Variants in ITGA4 observed in about 807,000 individuals in gnomAD.
The protein encoded by ITGA4 is integrin subunit alpha 4, also known as integrin alpha-4.
A neutral mutation model predicts 133.6 loss-of-function variants in ITGA4; 63 were observed. That is an observed-to-expected ratio of 0.47 (90% CI 0.38 to 0.58). ITGA4 has a LOEUF of 0.58. ITGA4 is among the 20% of genes least tolerant of loss of function. The pLI, the probability that ITGA4 is intolerant of heterozygous loss-of-function variation, is 0.00. For synonymous variants in ITGA4, 483 were observed against 438.0 expected (o/e 1.10, Z -1.28); for missense variants, 1,076 against 1,252.7 (o/e 0.86, Z 2.13).
chr2:181,522,291 C>T lies in ITGA4; in HGVS notation c.2023C>T (p.Leu675=), dbSNP rs1259775233. 1.2e-6 allele frequency: 2 copies of T among 1,609,562 alleles called. No individual in the cohort carries two copies. The highest frequency in any genetic ancestry group is 1.7e-6 in the Non-Finnish European group (2 of 1,177,020). The change falls in exon 18 of 28, where the codon CTA becomes TTA. Residue 675 remains leucine, a synonymous_variant. Transcript: ENST00000397033. ...TGGAGATGATGCATATGAAACGACT[C>T]TACATGTCAAACTACCCGTGGGTCT... ...NAGDDAYETT[L]HVKLPVGLYF...
chr2:181,474,151 C>T (rs1228545650), intron 2 of ITGA4, among the ~76,000 whole-genome samples: 1 of 152,206 alleles, frequency 6.6e-6, no homozygotes. Flanking sequence ...TTTAAAATTA[C>T]TTAACATGGG....
At chr2:181,503,428 A>G (rs1686323947) in intron 15 of ITGA4, among the ~76,000 whole-genome samples, 1 of 152,116 alleles carries the variant, frequency 6.6e-6, no homozygotes, top group African/African-American at 2.4e-5. Flanking sequence ...TTCTGAGGCT[A>G]TGTTTTCATT....
At chr2:181,465,043 T>C (rs1366622533) in intron 2 of ITGA4, among the ~76,000 whole-genome samples, 1 of 152,142 alleles carries the variant, frequency 6.6e-6, no homozygotes, top group Non-Finnish European at 1.5e-5. Context: ...ACCCCTTTTA[T>C]GGGACTCCTT....
At chr2:181,470,903 A>G (rs1397967992) in intron 2 of ITGA4, among the ~76,000 whole-genome samples, 1 of 152,154 alleles carries the variant, frequency 6.6e-6, no homozygotes, top group Non-Finnish European at 1.5e-5. Flanking sequence ...AAAAAGTCCC[A>G]GAAATTAAGA....
intron 25 of ITGA4, among the ~76,000 whole-genome samples, chr2:181,532,299 A>G (rs543309226): frequency 1.2e-4 from 18 of 152,308 alleles, no homozygotes; most frequent in African/African-American, 3.8e-4. Context: ...AAGAAAGTCA[A>G]TGGTAGCTTG....
chr2:181,531,359 G>T (rs1369976316), intron 24 of ITGA4, among the ~76,000 whole-genome samples: 1 of 152,084 alleles, frequency 6.6e-6, no homozygotes, highest in Non-Finnish European at 1.5e-5. Flanking sequence ...ACGTAACTTA[G>T]CAAGACTCTG....
chr2:181,482,963 T>A (rs1300966522), intron 9 of ITGA4, among the ~76,000 whole-genome samples: 1 of 152,162 alleles, frequency 6.6e-6, no homozygotes, highest in Non-Finnish European at 1.5e-5. Flanking sequence ...TTTGAAAGAA[T>A]AATTTTCATA....
At chr2:181,513,600 A>G (rs983611619) in intron 17 of ITGA4, among the ~76,000 whole-genome samples, 1 of 152,090 alleles carries the variant, frequency 6.6e-6, no homozygotes, top group Non-Finnish European at 1.5e-5. Context: ...ATTTTGCATT[A>G]TTAACATACA....
At position 181,523,379 on chromosome 2, in the gene ITGA4, T is replaced by G; in HGVS notation, c.2074-58T>G. On this transcript the variant is annotated intron_variant, in intron 18 of 27. Transcript: ENST00000397033. The surrounding 1 kb of genome is among the most constrained non-coding windows in gnomAD (Gnocchi z 4.2). ...TTTTCAATAACCATCCTTAAACATA[T>G]GTTACAAACTTTTTATTTCCTTCCT... The G allele has an allele frequency of 2.0e-6, 2 of 979,568 alleles. No homozygotes were observed. The highest frequency in any genetic ancestry group is 1.6e-6 in the Non-Finnish European group (1 of 607,654). 60.7% of individuals were successfully genotyped at this position (979,568 alleles called of 1,614,324 possible). A position where few individuals can be genotyped will look rare whatever the true frequency, so the allele number is the denominator to read the frequency against.
intron 2 of ITGA4, among the ~76,000 whole-genome samples, chr2:181,459,808 T>G (rs1685221585): frequency 6.6e-6 from 1 of 152,226 alleles, no homozygotes; most frequent in South Asian, 2.1e-4. Context: ...TTATTTCTGT[T>G]GTCCTGTCAT....
chr2:181,467,164 T>C (rs1005518342), intron 2 of ITGA4, among the ~76,000 whole-genome samples: 6 of 152,130 alleles, frequency 3.9e-5, no homozygotes, highest in Non-Finnish European at 5.9e-5. Context: ...TAAGAAAAAC[T>C]TTAGAGTGGA....
chr2:181,522,397 TA>T, intron 18 of ITGA4, 56 bp downstream of exon 18: 7 of 1,247,730 alleles, frequency 5.6e-6, no homozygotes, highest in Non-Finnish European at 7.8e-6. Flanking sequence ...CTTAATTTTT[TA>T]AAAGTAAATG....
intron 15 of ITGA4, among the ~76,000 whole-genome samples, chr2:181,507,236 T>G (rs1399049784): frequency 2.0e-5 from 3 of 152,116 alleles, no homozygotes; most frequent in African/African-American, 4.8e-5. Context: ...GTGGGCTATA[T>G]GTGGTGATGT....
Position 181,534,867 on chromosome 2 carries a change from G to C in ITGA4, c.2935G>C (p.Val979Leu). ...HQRPKRYFTI[V>L]IISSSLLLGL... is the part of the protein sequence containing the mutation. ...AAGACCCAAACGTTATTTCACCATAGTGATTATTTCAAGTAGCTTGCTACT... is the reference window on the plus strand; with the variant it reads ...AAGACCCAAACGTTATTTCACCATACTGATTATTTCAAGTAGCTTGCTACT... The change falls in exon 27 of 28, where the codon GTG (valine) becomes CTG (leucine). Residue 979 changes from valine to leucine, a missense_variant. By Grantham distance (32) the Val-to-Leu change is conservative (BLOSUM62 1). This residue lies in a region of ITGA4 where 193 missense variants were observed against 172.3 expected (regional missense o/e 1.12). Transcript: ENST00000397033. 6.2e-7 allele frequency: 1 copy of C among 1,600,546 alleles called. No individual in the cohort carries two copies.
At chr2:181,459,457 G>A (rs1440980539) in intron 2 of ITGA4, 2 of 102,856 alleles carry the variant, frequency 1.9e-5, no homozygotes, top group African/African-American at 7.5e-5. Flanking sequence ...TTTTATAGTA[G>A]TCTTTGCTCT....
chr2:181,485,890 A>G lies in ITGA4; in HGVS notation c.1051A>G (p.Met351Val). The G allele has an allele frequency of 6.2e-7, 1 of 1,603,804 alleles. No homozygotes were observed. Among genetic ancestry groups the G allele is most frequent in the Non-Finnish European group, 8.5e-7 (1 of 1,177,228 alleles). ...CTCCCTTTCTATCTAGGGAGCAGTA[A>G]TGAATGCAATGGAAACAAACCTCGT... is the stretch of plus-strand genomic sequence containing the variant. Reference protein sequence around the residue: ...VYINSGSGAVMNAMETNLVGS... With the variant: ...VYINSGSGAVVNAMETNLVGS... Residue 351 changes from methionine to valine, a missense_variant, in exon 10 of 28, where the codon ATG becomes GTG. Met to Val is a conservative substitution (Grantham distance 21). Around this residue, in one of 4 missense-constraint regions of ITGA4, gnomAD observed 436 missense variants for 590.7 expected, o/e 0.74. Coordinates refer to ENST00000397033, the MANE Select transcript of ITGA4 (RefSeq NM_000885.6).
In ITGA4 at chr2:181,480,145, T is replaced by C. The variant is rs1417952602; in HGVS notation, c.633T>C (p.Ile211=). 1 of 1,550,298 alleles carries C rather than the reference T, an allele frequency of 6.5e-7. No individual in the cohort carries two copies. Among genetic ancestry groups the C allele is most frequent in the African/African-American group, 1.4e-5 (1 of 71,050 alleles). The change falls in exon 6 of 28, where the codon ATT becomes ATC. Residue 211 remains isoleucine (I), a synonymous_variant. Transcript: ENST00000397033. ...TTTTTTTTTTCTTACAGGATTTAAT[T>C]GTGATGGGGGCCCCAGGATCATCTT... ...GISSFYTKDL[I]VMGAPGSSYW...
At chr2:181,522,041 C>T in intron 17 of ITGA4, 150 bp from the exon 18 acceptor site, 1 of 432,062 alleles carries the variant, frequency 2.3e-6, no homozygotes, top group Non-Finnish European at 4.0e-6. Flanking sequence ...TTTACATCTG[C>T]TTGCATAGGG....
intron 2 of ITGA4, among the ~76,000 whole-genome samples, chr2:181,469,556 C>A (rs889694688): frequency 1.3e-5 from 2 of 152,234 alleles, no homozygotes; most frequent in Non-Finnish European, 2.9e-5. Context: ...CCCAGCCATC[C>A]CATGACTGGG....
Sources: gnomAD v4.1 joint callset for allele counts (sites outside exome capture counted in the v4.1 genomes callset) on GRCh38, gnomAD v4.1.1 for gene constraint, gnomAD v4.1.1 regional missense constraint, Gnocchi (gnomAD v3.1) non-coding constraint, MANE v1.5 for transcripts, NCBI Gene and HGNC (gene_info 2026-07-23, HGNC 2026-07-21) for gene names.